The following GPR158 variants were observed in gnomAD, a reference collection of about 807,000 sequenced individuals.
GPR158 encodes the protein metabotropic glycine receptor.
Under a neutral mutation model 78.2 loss-of-function variants are expected in GPR158, and 30 were observed. The observed-to-expected ratio is 0.38, with a 90% CI of 0.29 to 0.52. The LOEUF (loss-of-function observed/expected upper bound fraction) is 0.52. GPR158 is among the 20% of genes least tolerant of loss of function. The pLI is 0.83. For synonymous variants in GPR158, 581 were observed against 591.1 expected (o/e 0.98, Z 0.25); for missense variants, 1,463 against 1,523.5 (o/e 0.96, Z 0.66).
At chr10:25,543,212 C>T (rs907680089) in intron 5 of GPR158, among the ~76,000 whole-genome samples, 2 of 152,072 alleles carry the variant, frequency 1.3e-5, no homozygotes, top group African/African-American at 4.8e-5. Flanking sequence ...CCTCTGCCTC[C>T]CAGGTTCGAG....
chr10:25,498,138 T>C (rs1835908149), intron 5 of GPR158, among the ~76,000 whole-genome samples: 1 of 152,166 alleles, frequency 6.6e-6, no homozygotes, highest in East Asian at 1.9e-4. Context: ...GCAGCTTAAT[T>C]TTCCACAAAT....
chr10:25,528,322 T>C (rs1836377420), intron 5 of GPR158, among the ~76,000 whole-genome samples: 1 of 151,900 alleles, frequency 6.6e-6, no homozygotes, highest in South Asian at 2.1e-4. Context: ...GAAAATTGGA[T>C]CTATATATAT....
chr10:25,241,262 T>TATTTC (rs1853612417), intron 2 of GPR158, among the ~76,000 whole-genome samples: 1 of 117,790 alleles, frequency 8.5e-6, no homozygotes, highest in Non-Finnish European at 1.7e-5. Flanking sequence ...TTCTTTCCTT[T>TATTTC]CTTTCTTTCC....
chr10:25,278,368 T>A (rs1410252638), intron 2 of GPR158, among the ~76,000 whole-genome samples: 1 of 152,024 alleles, frequency 6.6e-6, no homozygotes, highest in Admixed American at 6.6e-5. Flanking sequence ...AAGGAAGTTA[T>A]CCAGAATGCA....
At chr10:25,373,891 T>C (rs1192584669) in intron 2 of GPR158, among the ~76,000 whole-genome samples, 2 of 151,806 alleles carry the variant, frequency 1.3e-5, no homozygotes, top group African/African-American at 4.8e-5. Flanking sequence ...TTGAAAAGAA[T>C]GACATTTATG....
chr10:25,361,069 TCAA>T (rs1855632304), intron 2 of GPR158, among the ~76,000 whole-genome samples: 1 of 151,848 alleles, frequency 6.6e-6, no homozygotes, highest in African/African-American at 2.4e-5. Flanking sequence ...CTATACCCAT[TCAA>T]CAACAACTCT....
At chr10:25,589,293 A>G (rs1837310540) in intron 8 of GPR158, 148 bp downstream of exon 8, 1 of 534,560 alleles carries the variant, frequency 1.9e-6, no homozygotes, top group Non-Finnish European at 3.1e-6. Context: ...AGATTTGGAA[A>G]ATGAATAGTT....
intron 2 of GPR158, among the ~76,000 whole-genome samples, chr10:25,229,861 T>C (rs374345925): frequency 8.5e-5 from 13 of 152,162 alleles, no homozygotes; most frequent in African/African-American, 2.9e-4. Flanking sequence ...TTTCATAAAG[T>C]AATTGCTGTG....
rs1301982257 is a variant in GPR158 at position 25,206,931 on chromosome 10, A to T, written c.903-14121A>T. The stretch of plus-strand genomic sequence containing the variant: ...CGTAAGGCTCCTAGATCAGAGAGAA[A>T]GGACTTAATTATTCCAGAGTTTCAA... On this transcript the variant is annotated intron_variant, in intron 1 of 10. Coordinates refer to ENST00000376351, the MANE Select transcript of GPR158 (RefSeq NM_020752.3). 4.6e-5 allele frequency among the ~76,000 whole-genome samples: 7 copies of T among 150,690 alleles called. No individual in the cohort carries two copies. The East Asian group carries it at 1.4e-3, about 29-fold the overall frequency.
intron 4 of GPR158, among the ~76,000 whole-genome samples, chr10:25,443,542 G>A (rs901962879): frequency 4.9e-4 from 72 of 146,322 alleles, no homozygotes; most frequent in African/African-American, 1.7e-3. Context: ...GCGACAGAGC[G>A]AGAGACTGTT....
At chr10:25,297,513 G>GT (rs111883053) in intron 2 of GPR158, among the ~76,000 whole-genome samples, 29,347 of 151,944 alleles carry the variant, frequency 0.19, 4,492 homozygotes, top group African/African-American at 0.43. Flanking sequence ...AAGCATAAAC[G>GT]TTTTTTTTAC....
rs1038865665 is a variant in GPR158 at position 25,348,343 on chromosome 10, T to A, written c.1009-47568T>A. On this transcript the variant is annotated intron_variant, in intron 2 of 10. Coordinates refer to ENST00000376351, the MANE Select transcript of GPR158 (RefSeq NM_020752.3). Reference sequence around the variant, plus strand: ...ACAGACAATAGAAAACATTAAAGGCTATTCATACTGTTAGTACAAAATATT... The same window carrying A: ...ACAGACAATAGAAAACATTAAAGGCAATTCATACTGTTAGTACAAAATATT... Among the ~76,000 whole-genome samples the A allele has an allele frequency of 1.9e-4, 29 of 151,314 alleles. 2 individuals carry two copies. The Admixed American group carries it at 1.9e-3, about 10-fold the overall frequency.
intron 2 of GPR158, among the ~76,000 whole-genome samples, chr10:25,227,430 C>T (rs1225403982): frequency 1.3e-5 from 2 of 152,182 alleles, no homozygotes; most frequent in African/African-American, 4.8e-5. Context: ...GTGTTGTATT[C>T]TGGTTAAATA....
chr10:25,286,187 G>T (rs976142357), intron 2 of GPR158, among the ~76,000 whole-genome samples: 1 of 151,802 alleles, frequency 6.6e-6, no homozygotes, highest in African/African-American at 2.4e-5. Flanking sequence ...TCTTGGATTT[G>T]TGGTTTTGTG....
rs532891323 is a variant in GPR158, at chr10:25,314,301, A to G, written c.1009-81610A>G. ...TTTTTAATAGAGACGGGGTTTCACC[A>G]TGTTGGCCAGGATGGTCTCAATCTC... On this transcript the variant is annotated intron_variant, in intron 2 of 10. Transcript: ENST00000376351. Among the ~76,000 whole-genome samples the G allele has an allele frequency of 9.9e-5, 15 of 152,128 alleles. 1 individual carries two copies. In the South Asian group the frequency reaches 3.1e-3, roughly 32 times the overall value.
chr10:25,430,759 G>A (rs1473061892), intron 4 of GPR158, among the ~76,000 whole-genome samples: 1 of 143,014 alleles, frequency 7.0e-6, no homozygotes, highest in Non-Finnish European at 1.5e-5. Flanking sequence ...CAAGCAATGG[G>A]GAAAGGATTC....
At chr10:25,433,897 C>T (rs112731157) in intron 4 of GPR158, among the ~76,000 whole-genome samples, 2,192 of 151,846 alleles carry the variant, frequency 0.014, 53 homozygotes, top group African/African-American at 0.05. Flanking sequence ...CGGTGGCTCA[C>T]GCCTGTAATC....
rs967448573 is a variant in GPR158 at position 25,176,971 on chromosome 10, C to A, written c.902+649C>A. On this transcript the variant is annotated intron_variant, in intron 1 of 10. Coordinates refer to ENST00000376351, the MANE Select transcript of GPR158 (RefSeq NM_020752.3). This position sits in a 1 kb window ranked among gnomAD's most constrained non-coding sequence, Gnocchi z 6.3. ...TCAGGGTGCTCCTTCTACCGGTCTC[C>A]CCTCTCCCCGCAATTGATCTTTCCT... Among the ~76,000 whole-genome samples the A allele has an allele frequency of 6.6e-6, 1 of 152,140 alleles. No homozygotes were observed. The highest frequency in any genetic ancestry group is 2.1e-4 in the South Asian group (1 of 4,818).
chr10:25,252,698 GA>G (rs1853825780), intron 2 of GPR158, among the ~76,000 whole-genome samples: 1 of 152,174 alleles, frequency 6.6e-6, no homozygotes, highest in African/African-American at 2.4e-5. Context: ...CGTGCTGGGA[GA>G]ACCACTGCTC....
Sources: allele counts gnomAD v4.1 joint callset (sites outside exome capture counted in the v4.1 genomes callset), GRCh38; gene constraint gnomAD v4.1.1; non-coding constraint Gnocchi (gnomAD v3.1); transcripts MANE v1.5; gene names NCBI Gene and HGNC (gene_info 2026-07-23, HGNC 2026-07-21).